TRANK1: variants seen among roughly 807,000 people sequenced by gnomAD.
The protein encoded by TRANK1 is tetratricopeptide repeat and ankyrin repeat containing 1.
TRANK1 carries 198 observed loss-of-function variants against 266.0 expected under a neutral mutation model. That is an observed-to-expected ratio of 0.74 (90% CI 0.66 to 0.84). The LOEUF is 0.84. Among genes scored for constraint, TRANK1 ranks in the 40% least tolerant of loss-of-function variants. The pLI is 0.00. For synonymous variants in TRANK1, 1,396 were observed against 1,384.1 expected, an observed-to-expected ratio of 1.01 and a Z score of -0.19; for missense variants, 3,326 against 3,634.6, an observed-to-expected ratio of 0.92 and a Z score of 2.18.
At position 36,865,025 on chromosome 3, in the gene TRANK1, T is replaced by TTGC. The variant is rs199665603; in HGVS notation, c.1079-546_1079-545insGCA. Among the ~76,000 whole-genome samples the TTGC allele has an allele frequency of 6.7e-5, 4 of 60,142 alleles. No homozygotes were observed. The East Asian group carries it at 5.4e-3, about 81-fold the overall frequency. 39.5% of individuals were successfully genotyped at this position (60,142 alleles called of 152,430 possible). A position where few individuals can be genotyped will look rare whatever the true frequency, so the allele number is the denominator to read the frequency against. On this transcript the variant is annotated intron_variant, in intron 9 of 23. Coordinates refer to ENST00000645898, the MANE Select transcript of TRANK1 (RefSeq NM_001329998.2). ...TTTGGGGGTTTTTTTGTTTTTTTGG[T>TTGC]TTTTTTTTTTTTTTTTTTTTGAGAC...
At chr3:36,910,644 G>T (rs2080038297) in intron 1 of TRANK1, among the ~76,000 whole-genome samples, 1 of 152,174 alleles carries the variant, frequency 6.6e-6, no homozygotes, top group Admixed American at 6.5e-5. Flanking sequence ...GGAGGCTGAG[G>T]CAGGAGAATC....
chr3:36,876,991 C>G (rs1039018848), intron 8 of TRANK1, among the ~76,000 whole-genome samples: 1 of 152,182 alleles, frequency 6.6e-6, no homozygotes, highest in Non-Finnish European at 1.5e-5. Flanking sequence ...ATTGTAACAA[C>G]AAGCACCCAC....
At chr3:36,865,317 C>T (rs913179279) in intron 9 of TRANK1, among the ~76,000 whole-genome samples, 8 of 152,166 alleles carry the variant, frequency 5.3e-5, no homozygotes, top group African/African-American at 1.9e-4. Flanking sequence ...TGAGCCATCA[C>T]ACCCAGCATG....
chr3:36,933,120 A>G (rs2080381810), intron 1 of TRANK1, among the ~76,000 whole-genome samples: 2 of 152,272 alleles, frequency 1.3e-5, no homozygotes, highest in East Asian at 3.9e-4. Flanking sequence ...TTATTTGGAA[A>G]TGCTCTCTAG....
At chr3:36,941,953 A>G (rs1336614540) in intron 1 of TRANK1, among the ~76,000 whole-genome samples, 1 of 152,168 alleles carries the variant, frequency 6.6e-6, no homozygotes, top group Non-Finnish European at 1.5e-5. Flanking sequence ...TTCATTCCTT[A>G]AGGTCAAGAA....
At chr3:36,886,968 G>A (rs1249081890) in intron 8 of TRANK1, among the ~76,000 whole-genome samples, 7 of 147,184 alleles carry the variant, frequency 4.8e-5, no homozygotes, top group Non-Finnish European at 8.9e-5. Context: ...GTGCAGTGGC[G>A]CAATCTCAGC....
At chr3:36,830,024 A>T (rs1191169887) in intron 22 of TRANK1, among the ~76,000 whole-genome samples, 3 of 152,220 alleles carry the variant, frequency 2.0e-5, no homozygotes, top group Non-Finnish European at 4.4e-5. Flanking sequence ...CATAGTGTTG[A>T]TAAGAAGTAG....
At chr3:36,893,719 G>C (rs2079744776) in intron 5 of TRANK1, among the ~76,000 whole-genome samples, 1 of 152,114 alleles carries the variant, frequency 6.6e-6, no homozygotes, top group South Asian at 2.1e-4. Flanking sequence ...AGATCATTCA[G>C]GTATGCTAAC....
chr3:36,943,897 T>G (rs1575346696), intron 1 of TRANK1, among the ~76,000 whole-genome samples: 1 of 152,218 alleles, frequency 6.6e-6, no homozygotes, highest in East Asian at 1.9e-4. Flanking sequence ...TTTTCTTTTA[T>G]TTTCCAAATT....
intron 7 of TRANK1, among the ~76,000 whole-genome samples, chr3:36,891,040 A>G (rs779329671): frequency 1.3e-5 from 2 of 152,228 alleles, no homozygotes; most frequent in Non-Finnish European, 2.9e-5. Context: ...ATCTCTGTGT[A>G]AGAATAAAAT....
intron 1 of TRANK1, among the ~76,000 whole-genome samples, chr3:36,909,045 A>C (rs1311293666): frequency 2.6e-5 from 4 of 152,340 alleles, no homozygotes; most frequent in Middle Eastern, 6.8e-3. Flanking sequence ...CTCAGTATGC[A>C]AGTGGCTAGG....
intron 10 of TRANK1, 134 bp from the exon 11 acceptor site, chr3:36,861,294 G>T: frequency 9.0e-7 from 1 of 1,111,654 alleles, no homozygotes; most frequent in Non-Finnish European, 1.2e-6. Flanking sequence ...GGGCCATGTT[G>T]CTTAACCACT....
At chr3:36,844,551 AGAACATACT>A (rs2078890535) in intron 17 of TRANK1, among the ~76,000 whole-genome samples, 1 of 152,212 alleles carries the variant, frequency 6.6e-6, no homozygotes, top group African/African-American at 2.4e-5. Context: ...AGTGGATGCC[AGAACATACT>A]TGGGGAATAA....
At chr3:36,839,941 C>T (rs2078820852) in intron 18 of TRANK1, among the ~76,000 whole-genome samples, 1 of 152,188 alleles carries the variant, frequency 6.6e-6, no homozygotes, top group African/African-American at 2.4e-5. Flanking sequence ...AATAAACCAC[C>T]TGAGTCCTGA....
rs1373300213 is a variant in TRANK1 at position 36,856,486 on chromosome 3, C to T, written c.3236G>A (p.Gly1079Asp). ...CAAGCAGCAGGTTGTCTTCCCAGTGCCACTTCGCCCAATAAGGATGATGGG... is the reference window on the plus strand; with the variant it reads ...CAAGCAGCAGGTTGTCTTCCCAGTGTCACTTCGCCCAATAAGGATGATGGG... ...LEPIILIGRSGTGKTTCCLYR... is the reference protein window; with the variant it reads ...LEPIILIGRSDTGKTTCCLYR... The change falls in exon 13 of 24, where the codon GGC (glycine) becomes GAC (aspartate). Residue 1079 changes from glycine (G) to aspartate (D), a missense_variant. By Grantham distance (94) the Gly-to-Asp change is moderately conservative (BLOSUM62 -1). Transcript: ENST00000645898. 10 of 1,613,856 alleles carry T rather than the reference C, an allele frequency of 6.2e-6. No individual in the cohort carries two copies. The highest frequency in any genetic ancestry group is 7.6e-6 in the Non-Finnish European group (9 of 1,179,900).
chr3:36,870,036 G>A (rs891871262), intron 9 of TRANK1, among the ~76,000 whole-genome samples: 11 of 152,240 alleles, frequency 7.2e-5, no homozygotes, highest in African/African-American at 2.7e-4. Context: ...TAAAGGAACA[G>A]TGATATTCAA....
chr3:36,830,219 G>A lies in TRANK1; in HGVS notation c.8711-557C>T, dbSNP rs140830038. ...AATCCCAGCTACTTGGGAGGCTGAG[G>A]CAGGTGAATCATTTGAACCCAGGAA... On this transcript the variant is annotated intron_variant, in intron 22 of 23. Transcript: ENST00000645898. Among the ~76,000 whole-genome samples, 28 of 152,080 alleles carry A rather than the reference G, an allele frequency of 1.8e-4. No individual in the cohort carries two copies. The East Asian group carries it at 5.2e-3, about 28-fold the overall frequency.
chr3:36,939,520 A>G (rs540859925), intron 1 of TRANK1, among the ~76,000 whole-genome samples: 1 of 152,346 alleles, frequency 6.6e-6, no homozygotes, highest in South Asian at 2.1e-4. Context: ...TCTCTCTTCC[A>G]GGCCTGGTGT....
chr3:36,871,703 A>C (rs1271692010), intron 9 of TRANK1, among the ~76,000 whole-genome samples: 2 of 152,170 alleles, frequency 1.3e-5, no homozygotes, highest in Non-Finnish European at 2.9e-5. Flanking sequence ...AGAGGGCTCT[A>C]CCCCTCTCTC....
Sources: gnomAD v4.1 joint callset for allele counts (sites outside exome capture counted in the v4.1 genomes callset) on GRCh38, gnomAD v4.1.1 for gene constraint, MANE v1.5 for transcripts, NCBI Gene and HGNC (gene_info 2026-07-23, HGNC 2026-07-21) for gene names.